PALMD: variants seen among roughly 807,000 people sequenced by gnomAD.
PALMD encodes the protein palmdelphin, also known as paralemmin-like protein.
A neutral mutation model predicts 56.2 loss-of-function variants in PALMD; 42 were observed. That is an observed-to-expected ratio of 0.75 (90% CI 0.58 to 0.97). PALMD has a LOEUF of 0.97. Ranked by LOEUF, PALMD falls within the 50% of genes least tolerant of loss-of-function variation. The pLI is 0.00. For synonymous variants in PALMD, 242 were observed against 222.9 expected (o/e 1.09, Z -0.76); for missense variants, 660 against 643.8 (o/e 1.03, Z -0.27).
chr1:99,679,754 A>C (rs1300788405), intron 3 of PALMD, among the ~76,000 whole-genome samples: 1 of 152,102 alleles, frequency 6.6e-6, no homozygotes, highest in African/African-American at 2.4e-5. Context: ...CTAATTGGAG[A>C]GGAGTTAAGA....
At chr1:99,681,271 G>A (rs1653339856) in intron 3 of PALMD, among the ~76,000 whole-genome samples, 1 of 152,042 alleles carries the variant, frequency 6.6e-6, no homozygotes, top group Non-Finnish European at 1.5e-5. Context: ...GCTAATTGGA[G>A]AGGAGTAAGA....
intron 7 of PALMD, among the ~76,000 whole-genome samples, chr1:99,692,380 T>G (rs902115100): frequency 2.0e-5 from 3 of 152,102 alleles, no homozygotes; most frequent in Non-Finnish European, 4.4e-5. Flanking sequence ...GCTGAAACCA[T>G]GCATCTAAAA....
intron 1 of PALMD, 68 bp downstream of exon 1, chr1:99,646,430 C>A: frequency 8.0e-7 from 1 of 1,246,168 alleles, no homozygotes; most frequent in Non-Finnish European, 1.2e-6. Flanking sequence ...TGGCCGGCTG[C>A]CCCTGTCGCT....
At chr1:99,659,010 A>T (rs1054449331) in intron 1 of PALMD, among the ~76,000 whole-genome samples, 4 of 152,170 alleles carry the variant, frequency 2.6e-5, no homozygotes, top group Admixed American at 2.6e-4. Context: ...CACAACTCCT[A>T]ATATCATCTT....
chr1:99,676,510 A>G (rs1472883023), intron 3 of PALMD, among the ~76,000 whole-genome samples: 1 of 152,186 alleles, frequency 6.6e-6, no homozygotes, highest in Non-Finnish European at 1.5e-5. Context: ...CATTGTATCC[A>G]TTAGGTAATT....
intron 7 of PALMD, among the ~76,000 whole-genome samples, chr1:99,693,482 A>G (rs1653707925): frequency 6.6e-6 from 1 of 152,220 alleles, no homozygotes. Context: ...TATCTTGACA[A>G]AGACATTTTA....
In PALMD at chr1:99,689,808, T is replaced by C. The variant is rs144757848; in HGVS notation, c.1548T>C (p.Pro516=). 212 of 1,613,372 alleles carry C rather than the reference T, an allele frequency of 1.3e-4. No individual in the cohort carries two copies. The African/African-American group carries it at 2.7e-3, about 20-fold the overall frequency. Residue 516 remains proline, a synonymous_variant, in exon 7 of 8, where the codon CCT becomes CCC. Coordinates refer to ENST00000263174, the MANE Select transcript of PALMD (RefSeq NM_017734.5). The part of the protein sequence containing the change: ...LKEQEESLGS[P]VHHSPFDAQT... ...AGCAAGAAGAAAGCTTAGGCAGCCCTGTCCACCATTCCCCATTTGATGCTC... is the reference window on the plus strand; with the variant it reads ...AGCAAGAAGAAAGCTTAGGCAGCCCCGTCCACCATTCCCCATTTGATGCTC...
chr1:99,691,740 C>T (rs1188089758), intron 7 of PALMD, among the ~76,000 whole-genome samples: 2 of 152,126 alleles, frequency 1.3e-5, no homozygotes, highest in African/African-American at 4.8e-5. Context: ...CCAAAAAACG[C>T]TTATGATACT....
At chr1:99,675,254 G>T (rs188681668) in intron 3 of PALMD, among the ~76,000 whole-genome samples, 2 of 152,146 alleles carry the variant, frequency 1.3e-5, no homozygotes, top group Non-Finnish European at 2.9e-5. Context: ...AATGTTAAGG[G>T]TTACCAAGGC....
intron 1 of PALMD, among the ~76,000 whole-genome samples, chr1:99,660,901 A>AAAT (rs1253592619): frequency 6.6e-6 from 1 of 152,174 alleles, no homozygotes; most frequent in Non-Finnish European, 1.5e-5. Context: ...TCAATAATAA[A>AAAT]AATAATAAGC....
intron 3 of PALMD, among the ~76,000 whole-genome samples, chr1:99,677,854 A>G (rs1434013341): frequency 1.3e-5 from 2 of 152,168 alleles, no homozygotes; most frequent in African/African-American, 4.8e-5. Context: ...TTCTGCTCAC[A>G]TTTACTAAAT....
At chr1:99,692,172 T>C (rs1653666185) in intron 7 of PALMD, among the ~76,000 whole-genome samples, 1 of 152,196 alleles carries the variant, frequency 6.6e-6, no homozygotes, top group African/African-American at 2.4e-5. Flanking sequence ...TTGGCTTTCT[T>C]TGGTAGTCCT....
In PALMD at chr1:99,689,654, C is replaced by T. The variant is rs761679380; in HGVS notation, c.1394C>T (p.Pro465Leu). 2 of 1,613,626 alleles carry T rather than the reference C, an allele frequency of 1.2e-6. No individual in the cohort carries two copies. Among genetic ancestry groups the T allele is most frequent in the African/African-American group, 2.7e-5 (2 of 74,970 alleles). Residue 465 changes from proline to leucine, a missense_variant, in exon 7 of 8, where the codon CCC becomes CTC. Transcript: ENST00000263174. ...GAAGCAGAGAAACCGTCCTACCACC[C>T]CATAGCTCCCCATAGTCAGGTGTAC... ...EGEAEKPSYH[P>L]IAPHSQVYQP...
At chr1:99,675,669 G>A (rs1653184098) in intron 3 of PALMD, among the ~76,000 whole-genome samples, 1 of 152,128 alleles carries the variant, frequency 6.6e-6, no homozygotes, top group Non-Finnish European at 1.5e-5. Context: ...TCAACCTTGA[G>A]ACTATATGTT....
In PALMD at chr1:99,646,161, C is replaced by A; in HGVS notation, c.-157C>A. The A allele has an allele frequency of 1.5e-6, 1 of 650,498 alleles. No individual in the cohort carries two copies. Among genetic ancestry groups the A allele is most frequent in the Non-Finnish European group, 2.8e-6 (1 of 362,994 alleles). 40.3% of individuals were successfully genotyped at this position (650,498 alleles called of 1,614,324 possible). On this transcript the variant is annotated 5_prime_UTR_variant, in exon 1 of 8. Transcript: ENST00000263174. Reference sequence around the variant, plus strand: ...ATCTGTGCATCTGCTCGGAGACGCTCCTGACAAGTCGGGAATTTCTCTATT... The same window carrying A: ...ATCTGTGCATCTGCTCGGAGACGCTACTGACAAGTCGGGAATTTCTCTATT...
chr1:99,647,323 ATT>A (rs1352626709), intron 1 of PALMD, among the ~76,000 whole-genome samples: 1 of 152,162 alleles, frequency 6.6e-6, no homozygotes, highest in Non-Finnish European at 1.5e-5. Context: ...TAGATCAGGG[ATT>A]TTTTGTTGTT....
At chr1:99,683,647 A>C (rs1050963087) in intron 3 of PALMD, 1 of 152,248 alleles carries the variant, frequency 6.6e-6, no homozygotes, top group African/African-American at 2.4e-5. Context: ...TTTTTAGCAC[A>C]ATTGACCTCC....
intron 3 of PALMD, chr1:99,684,566 A>G (rs1234687344): frequency 6.6e-6 from 1 of 152,260 alleles, no homozygotes; most frequent in Non-Finnish European, 1.5e-5. Flanking sequence ...TCTGTTGCCC[A>G]GGCTGGAGTG....
In PALMD at chr1:99,686,786, T is replaced by A; in HGVS notation, c.362T>A (p.Ile121Lys). 6.5e-7 allele frequency: 1 copy of A among 1,535,378 alleles called. No homozygotes were observed. Among genetic ancestry groups the A allele is most frequent in the Non-Finnish European group, 9.0e-7 (1 of 1,112,828 alleles). ...ATTGAGCGGACAACAGAAGACATTATAAGAGTGAGCATTAACCAATTTTAA... is the reference window on the plus strand; with the variant it reads ...ATTGAGCGGACAACAGAAGACATTAAAAGAGTGAGCATTAACCAATTTTAA... ...KSIERTTEDIIRSVKVEREER... is the reference protein window; with the variant it reads ...KSIERTTEDIKRSVKVEREER... The change falls in exon 4 of 8, where the codon ATA becomes AAA. Residue 121 changes from isoleucine to lysine, a missense_variant. Physicochemically the swap from Ile to Lys is moderately radical, Grantham distance 102. Coordinates refer to ENST00000263174, the MANE Select transcript of PALMD (RefSeq NM_017734.5).
Sources: gnomAD v4.1 joint callset for allele counts (sites outside exome capture counted in the v4.1 genomes callset) on GRCh38, gnomAD v4.1.1 for gene constraint, MANE v1.5 for transcripts, NCBI Gene and HGNC (gene_info 2026-07-23, HGNC 2026-07-21) for gene names.